Variants in LPXN observed in about 807,000 individuals in gnomAD.
LPXN encodes the protein leupaxin.
In LPXN, 28 loss-of-function variants were observed where a neutral mutation model predicts 45.6. The observed-to-expected ratio is 0.61, with a 90% CI of 0.45 to 0.84. The LOEUF is 0.84. Ranked by LOEUF, LPXN falls within the 40% of genes least tolerant of loss-of-function variation. The pLI is 0.00. For synonymous variants in LPXN, 166 were observed against 169.9 expected (o/e 0.98, Z 0.18); for missense variants, 459 against 475.0 (o/e 0.97, Z 0.31).
At chr11:58,578,010 C>T (rs1373822841), upstream of LPXN, 18 of 1,550,760 alleles carry the variant, frequency 1.2e-5, no homozygotes, top group Non-Finnish European at 1.6e-5. Context: ...AGGTGAGTGA[C>T]TCACACACCG....
At chr11:58,537,026 G>A (rs555223051) in intron 7 of LPXN, among the ~76,000 whole-genome samples, 62 of 152,350 alleles carry the variant, frequency 4.1e-4, no homozygotes, top group African/African-American at 1.4e-3. Flanking sequence ...TGCTGGAGAG[G>A]ATATGGAGAA....
At chr11:58,577,761 G>A (rs1025456691), upstream of LPXN, among the ~76,000 whole-genome samples, 1 of 151,328 alleles carries the variant, frequency 6.6e-6, no homozygotes, top group East Asian at 1.9e-4. Context: ...CTCGGTGTAG[G>A]TCACCAGTCA....
intron 7 of LPXN, among the ~76,000 whole-genome samples, chr11:58,529,507 G>T (rs553062431): frequency 1.3e-5 from 2 of 151,706 alleles, no homozygotes; most frequent in Non-Finnish European, 2.9e-5. Context: ...CTACTTGGGA[G>T]GCTGAGGCAG....
At chr11:58,572,517 T>C (rs1854737799) in intron 1 of LPXN, among the ~76,000 whole-genome samples, 1 of 152,146 alleles carries the variant, frequency 6.6e-6, no homozygotes, top group African/African-American at 2.4e-5. Flanking sequence ...AAATCTACTG[T>C]AAAAATGAAA....
At chr11:58,545,515 A>G (rs1486498211) in intron 7 of LPXN, among the ~76,000 whole-genome samples, 1 of 152,226 alleles carries the variant, frequency 6.6e-6, no homozygotes, top group Admixed American at 6.5e-5. Context: ...TCAATGAAAA[A>G]TGCTGCTTAG....
At position 58,552,883 on chromosome 11, in the gene LPXN, C is replaced by T. The variant is rs111235357; in HGVS notation, c.319-1651G>A. 2.8e-3 allele frequency among the ~76,000 whole-genome samples: 427 copies of T among 152,200 alleles called. 2 individuals are homozygous for T. Among genetic ancestry groups the T allele is most frequent in the African/African-American group, 9.8e-3 (405 of 41,512 alleles). On this transcript the variant is annotated intron_variant, in intron 4 of 8. Coordinates refer to ENST00000395074, the MANE Select transcript of LPXN (RefSeq NM_004811.3). ...ATCTCTATCTCTTCACTGTTATCTT[C>T]CAGAATACTTCTGAACAGATATAGA...
intron 4 of LPXN, among the ~76,000 whole-genome samples, chr11:58,553,102 G>A (rs767501530): frequency 2.0e-5 from 3 of 152,188 alleles, no homozygotes; most frequent in Non-Finnish European, 4.4e-5. Flanking sequence ...TTGAGAGGCC[G>A]AGGCAGACAG....
chr11:58,555,766 ATG>A (rs1355439338), intron 3 of LPXN, among the ~76,000 whole-genome samples: 4 of 73,808 alleles, frequency 5.4e-5, no homozygotes, highest in Admixed American at 4.7e-4. Context: ...ACTCACACAC[ATG>A]CACACACACA....
chr11:58,564,272 T>TA, intron 2 of LPXN, 71 bp from the exon 3 acceptor site: 1 of 933,390 alleles, frequency 1.1e-6, no homozygotes, highest in Non-Finnish European at 1.7e-6. Flanking sequence ...GGCTTAATGA[T>TA]ACCCACAGTT....
At chr11:58,567,287 T>C (rs1055612625) in intron 2 of LPXN, among the ~76,000 whole-genome samples, 8 of 152,212 alleles carry the variant, frequency 5.3e-5, no homozygotes, top group African/African-American at 1.9e-4. Context: ...TACAGTGGCA[T>C]TAACAATGTC....
chr11:58,569,909 C>T (rs1331984144), intron 2 of LPXN, among the ~76,000 whole-genome samples: 2 of 152,188 alleles, frequency 1.3e-5, no homozygotes, highest in African/African-American at 2.4e-5. Context: ...GAGTACCATT[C>T]CAGTCAAACT....
At chr11:58,538,529 G>A (rs888716380) in intron 7 of LPXN, among the ~76,000 whole-genome samples, 1 of 151,932 alleles carries the variant, frequency 6.6e-6, no homozygotes, top group African/African-American at 2.4e-5. Flanking sequence ...GCCAGTGATG[G>A]TGAGCATTTT....
chr11:58,530,693 C>T lies in LPXN; in HGVS notation c.743-2502G>A, dbSNP rs543984976. On this transcript the variant is annotated intron_variant, in intron 7 of 8. Transcript: ENST00000395074. ...GCAGTGGATCTCCCAGCACAGGGTT[C>T]GAGCTCTGCTAAGGGTCAGACTGCC... Among the ~76,000 whole-genome samples, 9 of 152,298 alleles carry T rather than the reference C, an allele frequency of 5.9e-5. 1 individual carries two copies. The South Asian group carries it at 1.2e-3, about 21-fold the overall frequency.
chr11:58,543,541 A>AT (rs956183455), intron 7 of LPXN, among the ~76,000 whole-genome samples: 5 of 152,124 alleles, frequency 3.3e-5, no homozygotes, highest in South Asian at 2.1e-4. Flanking sequence ...TTAAAATGAG[A>AT]TTTTTTCAGA....
At chr11:58,565,329 C>T (rs113297640) in intron 2 of LPXN, among the ~76,000 whole-genome samples, 25 of 151,826 alleles carry the variant, frequency 1.6e-4, no homozygotes, top group Admixed American at 1.0e-3. Context: ...GTCAGGAGAT[C>T]GAGATCATCA....
At chr11:58,570,487 G>T in intron 2 of LPXN, 69 bp downstream of exon 2, 2 of 1,167,826 alleles carry the variant, frequency 1.7e-6, no homozygotes, top group Non-Finnish European at 2.4e-6. Flanking sequence ...ATTTTATGTG[G>T]GATTCTGTTA....
At position 58,549,979 on chromosome 11, in the gene LPXN, G is replaced by A. The variant is rs1312368609; in HGVS notation, c.654C>T (p.Ile218=). 2 of 1,614,090 alleles carry A rather than the reference G, an allele frequency of 1.2e-6. No individual in the cohort carries two copies. The highest frequency in any genetic ancestry group is 8.5e-7 in the Non-Finnish European group (1 of 1,180,016). Residue 218 remains isoleucine (I), a synonymous_variant, in exon 6 of 9, where the codon ATC becomes ATT. Coordinates refer to ENST00000395074, the MANE Select transcript of LPXN (RefSeq NM_004811.3). ...GGAGCGGGGATTTACTTACATCCAG[G>A]ATGGGAGCAGCGCAGTAAGCACAGC... ...SPRCAYCAAP[I]LDKVLTAMNQ... is the part of the protein sequence containing the mutation.
chr11:58,578,541 G>A (rs1854990094), upstream of LPXN, among the ~76,000 whole-genome samples: 1 of 152,174 alleles, frequency 6.6e-6, no homozygotes. Context: ...TTTCTTAAAG[G>A]AGAAGCGACA....
intron 7 of LPXN, among the ~76,000 whole-genome samples, chr11:58,547,673 A>G (rs1853915860): frequency 6.6e-6 from 1 of 152,168 alleles, no homozygotes; most frequent in Non-Finnish European, 1.5e-5. Context: ...GAAGGTCCTA[A>G]AAAAGAGAGG....
Sources: allele counts gnomAD v4.1 joint callset (sites outside exome capture counted in the v4.1 genomes callset), GRCh38; gene constraint gnomAD v4.1.1; transcripts MANE v1.5; gene names NCBI Gene and HGNC (gene_info 2026-07-23, HGNC 2026-07-21).